Variants in AGPAT3 observed in about 807,000 individuals in gnomAD.
AGPAT3 encodes 1-acylglycerol-3-phosphate O-acyltransferase 3.
A neutral mutation model predicts 47.3 loss-of-function variants in AGPAT3; 5 were observed. The observed-to-expected ratio is 0.11, with a 90% CI of 0.06 to 0.22. The LOEUF (loss-of-function observed/expected upper bound fraction) is 0.22. AGPAT3 is among the 10% of genes least tolerant of loss of function. AGPAT3 has a pLI of 1.00. For synonymous variants in AGPAT3, 212 were observed against 208.3 expected, an observed-to-expected ratio of 1.02 and a Z score of -0.15; for missense variants, 315 against 493.0, an observed-to-expected ratio of 0.64 and a Z score of 3.42.
chr21:43,942,395 C>T (rs2087688305), intron 2 of AGPAT3, among the ~76,000 whole-genome samples: 1 of 152,184 alleles, frequency 6.6e-6, no homozygotes, highest in Non-Finnish European at 1.5e-5. Flanking sequence ...GGGAGTCTGG[C>T]GTCCTTCACG....
intron 2 of AGPAT3, among the ~76,000 whole-genome samples, chr21:43,907,641 C>T (rs1393989320): frequency 3.3e-5 from 5 of 152,110 alleles, no homozygotes; most frequent in Admixed American, 6.5e-5. Flanking sequence ...GGCGTGAACC[C>T]GGGAGGCGGA....
intron 2 of AGPAT3, among the ~76,000 whole-genome samples, chr21:43,907,967 C>T (rs11089107): frequency 0.33 from 50,888 of 152,086 alleles, 9,055 homozygotes; most frequent in East Asian, 0.6. Context: ...CCCACGGGAC[C>T]GAGTAGTCCC....
chr21:43,907,838 A>G (rs1261636427), intron 2 of AGPAT3, among the ~76,000 whole-genome samples: 1 of 152,260 alleles, frequency 6.6e-6, no homozygotes, highest in East Asian at 1.9e-4. Flanking sequence ...TCAAAAAGCA[A>G]CAACAACCAA....
chr21:43,877,025 A>AT (rs1252186671), intron 1 of AGPAT3, among the ~76,000 whole-genome samples: 3 of 151,780 alleles, frequency 2.0e-5, no homozygotes, highest in East Asian at 1.9e-4. Flanking sequence ...CGCCCAGCTA[A>AT]TTTTTTGTAT....
chr21:43,874,443 C>G (rs2085690108), intron 1 of AGPAT3, among the ~76,000 whole-genome samples: 1 of 152,192 alleles, frequency 6.6e-6, no homozygotes, highest in South Asian at 2.1e-4. Context: ...TATTATTCTT[C>G]CATGACCCAT....
At chr21:43,877,790 G>A (rs530175452) in intron 1 of AGPAT3, among the ~76,000 whole-genome samples, 1 of 152,152 alleles carries the variant, frequency 6.6e-6, no homozygotes, top group Non-Finnish European at 1.5e-5. Flanking sequence ...CTTCCCAGCA[G>A]GCCCATTCCC....
intron 2 of AGPAT3, among the ~76,000 whole-genome samples, chr21:43,958,935 TGTG>T (rs572132282): frequency 4.0e-4 from 56 of 140,176 alleles, no homozygotes; most frequent in Admixed American, 2.4e-3. Flanking sequence ...GTGTGTGGCT[TGTG>T]TGTGTGTGGC....
chr21:43,892,294 C>CA (rs942885943), intron 1 of AGPAT3, among the ~76,000 whole-genome samples: 29 of 144,076 alleles, frequency 2.0e-4, no homozygotes, highest in African/African-American at 6.8e-4. Context: ...GCAACAAGAG[C>CA]AAAACTCTGT....
At position 43,972,656 on chromosome 21, in the gene AGPAT3, T is replaced by C. The variant is rs2089445605; in HGVS notation, c.767+1166T>C. 2.0e-5 allele frequency among the ~76,000 whole-genome samples: 3 copies of C among 152,220 alleles called. No homozygotes were observed. In the South Asian group the frequency reaches 6.2e-4, roughly 32 times the overall value. ...GTGGGTGCCGCCACCAATCCGTTGC[T>C]GCCCTTGGACTCTCCAAGCTTCTCT... On this transcript the variant is annotated intron_variant, in intron 7 of 9. Coordinates refer to ENST00000291572, the MANE Select transcript of AGPAT3 (RefSeq NM_020132.5).
At chr21:43,907,500 G>T (rs1283501330) in intron 2 of AGPAT3, among the ~76,000 whole-genome samples, 1 of 152,142 alleles carries the variant, frequency 6.6e-6, no homozygotes, top group African/African-American at 2.4e-5. Context: ...GGCGGATCAC[G>T]AGGTCAGGAG....
chr21:43,912,630 C>G (rs1438845837), intron 2 of AGPAT3, among the ~76,000 whole-genome samples: 1 of 152,264 alleles, frequency 6.6e-6, no homozygotes, highest in Non-Finnish European at 1.5e-5. Context: ...CCATGGACTT[C>G]AGCATCTGCT....
rs774198145 is a variant in AGPAT3 at position 43,930,214 on chromosome 21, G to A, written c.-49+26195G>A. 1.4e-4 allele frequency among the ~76,000 whole-genome samples: 21 copies of A among 152,296 alleles called. No homozygotes were observed. The highest frequency in any genetic ancestry group is 4.3e-4 in the African/African-American group (18 of 41,562). The stretch of plus-strand genomic sequence containing the variant: ...TCCCCTTCCACGGTTCCCTGCCCCC[G>A]GGGACACAGTTGTGGGAGGTCTCAG... On this transcript the variant is annotated intron_variant, in intron 2 of 9. Coordinates refer to ENST00000291572, the MANE Select transcript of AGPAT3 (RefSeq NM_020132.5). This position sits in a 1 kb window ranked among gnomAD's most constrained non-coding sequence, Gnocchi z 5.0.
At position 43,985,354 on chromosome 21, in the gene AGPAT3, A is replaced by G. The variant is rs187247604; in HGVS notation, c.*2962A>G. The G allele has an allele frequency of 2.9e-6, 1 of 348,138 alleles. No individual in the cohort carries two copies. The highest frequency in any genetic ancestry group is 4.1e-5 in the Admixed American group (1 of 24,600). The allele number at this position is 348,138 out of a possible 1,614,324, so 21.6% of individuals were successfully genotyped here. A position where few individuals can be genotyped will look rare whatever the true frequency, so the allele number is the denominator to read the frequency against. ...GGAAGAGATGAGCGCTGAACAAATC[A>G]CTAAATAACACAAAACAACAATGTA... is the stretch of plus-strand genomic sequence containing the variant. On this transcript the variant is annotated 3_prime_UTR_variant, in exon 10 of 10. Transcript: ENST00000291572.
chr21:43,981,766 C>G lies in AGPAT3; in HGVS notation c.1043-538C>G, dbSNP rs1477167363. On this transcript the variant is annotated intron_variant, in intron 9 of 9. Transcript: ENST00000291572. This position sits in a 1 kb window ranked among gnomAD's most constrained non-coding sequence, Gnocchi z 5.3. ...CAGTCCGTGTGCATCGCCCCGTGAG[C>G]CGACTCCCCAGGCCCAGCAGCTGGG... 1.3e-5 allele frequency among the ~76,000 whole-genome samples: 2 copies of G among 152,038 alleles called. No homozygotes were observed. Among genetic ancestry groups the G allele is most frequent in the Non-Finnish European group, 2.9e-5 (2 of 67,982 alleles).
chr21:43,917,538 A>G (rs2086758888), intron 2 of AGPAT3, among the ~76,000 whole-genome samples: 1 of 152,168 alleles, frequency 6.6e-6, no homozygotes, highest in African/African-American at 2.4e-5. Context: ...GGCAGAGTCC[A>G]ATTAACAAGA....
intron 1 of AGPAT3, among the ~76,000 whole-genome samples, chr21:43,865,681 G>A (rs902359129): frequency 1.7e-4 from 25 of 150,864 alleles, no homozygotes; most frequent in Non-Finnish European, 3.6e-4. Context: ...GGTTCGGGGC[G>A]CCCGGGAGGG....
intron 2 of AGPAT3, among the ~76,000 whole-genome samples, chr21:43,926,562 G>A (rs1411810611): frequency 6.6e-6 from 1 of 151,436 alleles, no homozygotes; most frequent in African/African-American, 2.4e-5. Flanking sequence ...GCGTTCCTGG[G>A]TTTCCATGCT....
intron 2 of AGPAT3, among the ~76,000 whole-genome samples, chr21:43,916,866 T>G (rs1345276756): frequency 1.3e-5 from 2 of 152,230 alleles, no homozygotes; most frequent in African/African-American, 4.8e-5. Flanking sequence ...TTTGTTTCAC[T>G]TCGGTCGAGT....
chr21:43,985,553 G>A lies in AGPAT3; in HGVS notation c.*3161G>A. ...GATGTTGATTTGAAGGAAAAGCCGT[G>A]GTTGGACCCAGCTGTGTGTTTCACT... On this transcript the variant is annotated 3_prime_UTR_variant, in exon 10 of 10. Transcript: ENST00000291572. 1 of 270,838 alleles carries A rather than the reference G, an allele frequency of 3.7e-6. No homozygotes were observed. The highest frequency in any genetic ancestry group is 7.2e-6 in the Non-Finnish European group (1 of 138,312). The allele number at this position is 270,838 out of a possible 1,614,324, so 16.8% of individuals were successfully genotyped here. A position where few individuals can be genotyped will look rare whatever the true frequency, so the allele number is the denominator to read the frequency against.
Sources: gnomAD v4.1 joint callset for allele counts (sites outside exome capture counted in the v4.1 genomes callset) on GRCh38, gnomAD v4.1.1 for gene constraint, Gnocchi (gnomAD v3.1) non-coding constraint, MANE v1.5 for transcripts, NCBI Gene and HGNC (gene_info 2026-07-23, HGNC 2026-07-21) for gene names.